Variants in BABAM2 observed in about 807,000 individuals in gnomAD.
The protein encoded by BABAM2 is BRISC and BRCA1-A complex member 2.
A neutral mutation model predicts 54.7 loss-of-function variants in BABAM2; 31 were observed. The ratio of observed to expected loss-of-function variants is 0.57; its 90% CI spans 0.43 to 0.77. BABAM2 has a LOEUF of 0.77. BABAM2 is among the 30% of genes least tolerant of loss of function. The probability of loss-of-function intolerance (pLI) is 0.00; values close to 1 mark genes in which losing one functional copy is unlikely to be tolerated. For missense variants in BABAM2, 364 were observed against 455.8 expected, an observed-to-expected ratio of 0.80 and a Z score of 1.83; for synonymous variants, 167 against 162.9, an observed-to-expected ratio of 1.03 and a Z score of -0.19.
chr2:27,959,256 C>G (rs766945524), intron 3 of BABAM2, among the ~76,000 whole-genome samples: 7 of 152,142 alleles, frequency 4.6e-5, no homozygotes, highest in Non-Finnish European at 1.0e-4. Context: ...TCCTAAGAGC[C>G]TAGGAATCCT....
chr2:28,332,451 T>C (rs2148335956), intron 11 of BABAM2, among the ~76,000 whole-genome samples: 1 of 152,276 alleles, frequency 6.6e-6, no homozygotes, highest in East Asian at 1.9e-4. Context: ...GAAATCATCC[T>C]GTTACAGGTG....
intron 7 of BABAM2, among the ~76,000 whole-genome samples, chr2:28,135,753 T>C (rs1284384895): frequency 6.6e-6 from 1 of 152,190 alleles, no homozygotes; most frequent in Non-Finnish European, 1.5e-5. Context: ...CATGCCCCTA[T>C]TAGCCAGCCA....
At chr2:28,292,768 A>G (rs1430109911) in intron 10 of BABAM2, among the ~76,000 whole-genome samples, 1 of 152,220 alleles carries the variant, frequency 6.6e-6, no homozygotes, top group Non-Finnish European at 1.5e-5. Context: ...ACTTCCCTTC[A>G]GGGGCTATTG....
At chr2:28,052,461 T>C (rs1375919736) in intron 6 of BABAM2, among the ~76,000 whole-genome samples, 1 of 151,990 alleles carries the variant, frequency 6.6e-6, no homozygotes, top group East Asian at 1.9e-4. Context: ...CTAATTTTTG[T>C]ATTTTTAGTA....
At chr2:27,944,402 C>G (rs189484791) in intron 3 of BABAM2, among the ~76,000 whole-genome samples, 1 of 152,296 alleles carries the variant, frequency 6.6e-6, no homozygotes, top group Admixed American at 6.5e-5. Flanking sequence ...CACCACCTTC[C>G]TCTTAACCCT....
chr2:28,319,473 GCGCCTC>G (rs1689841815), intron 11 of BABAM2, among the ~76,000 whole-genome samples: 1 of 152,242 alleles, frequency 6.6e-6, no homozygotes, highest in Non-Finnish European at 1.5e-5. Flanking sequence ...ACAGCTCCCT[GCGCCTC>G]TTGTACCTGG....
chr2:27,919,686 G>A (rs1667216677), intron 2 of BABAM2, among the ~76,000 whole-genome samples: 1 of 152,128 alleles, frequency 6.6e-6, no homozygotes, highest in Admixed American at 6.5e-5. Context: ...AATAAGCTAA[G>A]CATCTATCTG....
At chr2:28,000,071 C>T (rs1469199142) in intron 4 of BABAM2, among the ~76,000 whole-genome samples, 1 of 152,100 alleles carries the variant, frequency 6.6e-6, no homozygotes, top group Non-Finnish European at 1.5e-5. Flanking sequence ...TTCAGCTTCC[C>T]CTATTGTTAA....
intron 1 of BABAM2, among the ~76,000 whole-genome samples, chr2:27,892,600 T>C (rs1664952812): frequency 1.3e-5 from 2 of 152,318 alleles, no homozygotes; most frequent in South Asian, 2.1e-4. Context: ...TGTGGATTAG[T>C]ATACTGTTCA....
At chr2:27,938,082 T>C (rs1189613189) in intron 3 of BABAM2, among the ~76,000 whole-genome samples, 1 of 152,196 alleles carries the variant, frequency 6.6e-6, no homozygotes, top group African/African-American at 2.4e-5. Context: ...CAATGTGTGT[T>C]CTTGGCACCT....
intron 7 of BABAM2, among the ~76,000 whole-genome samples, chr2:28,213,897 A>C (rs1308597062): frequency 6.6e-6 from 1 of 151,922 alleles, no homozygotes; most frequent in Non-Finnish European, 1.5e-5. Context: ...TGTTTTTTAA[A>C]AGTACTCTAG....
chr2:28,224,851 CAAAAAAAAA>C (rs754146418), intron 7 of BABAM2, among the ~76,000 whole-genome samples: 1 of 83,924 alleles, frequency 1.2e-5, no homozygotes, highest in Non-Finnish European at 2.4e-5. Flanking sequence ...GGTAAATTGA[CAAAAAAAAA>C]AAAAAAAAAA....
At chr2:27,962,812 C>T (rs1170005565) in intron 3 of BABAM2, among the ~76,000 whole-genome samples, 1 of 152,152 alleles carries the variant, frequency 6.6e-6, no homozygotes, top group Non-Finnish European at 1.5e-5. Flanking sequence ...TTGATGTCAT[C>T]TAATTTACTA....
intron 4 of BABAM2, among the ~76,000 whole-genome samples, chr2:28,005,586 A>T (rs1481185454): frequency 2.0e-5 from 3 of 152,198 alleles, no homozygotes; most frequent in Non-Finnish European, 2.9e-5. Context: ...AACAATTAAG[A>T]TTAATTGCAT....
chr2:28,032,772 C>T (rs371776024), intron 5 of BABAM2, among the ~76,000 whole-genome samples: 6 of 152,138 alleles, frequency 3.9e-5, no homozygotes, highest in South Asian at 2.1e-4. Flanking sequence ...CCTGCATGCT[C>T]GGAGTCATTT....
chr2:28,148,575 C>T (rs1051556263), intron 7 of BABAM2, among the ~76,000 whole-genome samples: 1 of 152,180 alleles, frequency 6.6e-6, no homozygotes, highest in Non-Finnish European at 1.5e-5. Context: ...GTCAGTTGGG[C>T]AGCTCGCCTT....
chr2:28,322,048 A>G lies in BABAM2; in HGVS notation c.1089-16402A>G, dbSNP rs1304430692. On this transcript the variant is annotated intron_variant, in intron 11 of 11. Coordinates refer to ENST00000379624, the MANE Select transcript of BABAM2 (RefSeq NM_199191.3). This position sits in a 1 kb window ranked among gnomAD's most constrained non-coding sequence, Gnocchi z 4.1. ...ACTTAAGAATAATAGATCCTTAGGA[A>G]GGAAGGCTGTTCATTCAGTCATTCA... Among the ~76,000 whole-genome samples, 1 of 152,178 alleles carries G rather than the reference A, an allele frequency of 6.6e-6. No individual in the cohort carries two copies. Among genetic ancestry groups the G allele is most frequent in the Non-Finnish European group, 1.5e-5 (1 of 68,024 alleles).
intron 4 of BABAM2, among the ~76,000 whole-genome samples, chr2:28,021,926 G>C (rs995855479): frequency 2.0e-5 from 3 of 152,032 alleles, no homozygotes; most frequent in Admixed American, 6.6e-5. Context: ...GTATCCTCGC[G>C]CATGTCTAAA....
intron 2 of BABAM2, among the ~76,000 whole-genome samples, chr2:27,919,448 AT>A (rs968055189): frequency 5.3e-5 from 8 of 152,256 alleles, no homozygotes; most frequent in African/African-American, 1.9e-4. Context: ...AAAAATTTTA[AT>A]GTTTTGTTTT....
Sources: gnomAD v4.1 joint callset for allele counts (sites outside exome capture counted in the v4.1 genomes callset) on GRCh38, gnomAD v4.1.1 for gene constraint, Gnocchi (gnomAD v3.1) non-coding constraint, MANE v1.5 for transcripts, NCBI Gene and HGNC (gene_info 2026-07-23, HGNC 2026-07-21) for gene names.